Variants in EFCAB6 observed in about 807,000 individuals in gnomAD.
EFCAB6 encodes EF-hand calcium binding domain 6.
In EFCAB6, 156 loss-of-function variants were observed where a neutral mutation model predicts 169.8. That is an observed-to-expected ratio of 0.92 (90% CI 0.81 to 1.05). EFCAB6 has a LOEUF of 1.05. Among genes scored for constraint, EFCAB6 ranks in the 50% least tolerant of loss-of-function variants. The pLI is 0.00. For synonymous variants in EFCAB6, 698 were observed against 676.4 expected, an observed-to-expected ratio of 1.03 and a Z score of -0.50; for missense variants, 1,800 against 1,829.1, an observed-to-expected ratio of 0.98 and a Z score of 0.29.
At chr22:43,555,225 C>G (rs2048634583) in intron 26 of EFCAB6, 129 bp from the exon 27 acceptor site, 4 of 955,470 alleles carry the variant, frequency 4.2e-6, no homozygotes, top group Non-Finnish European at 6.2e-6. Flanking sequence ...AAGACAGCTA[C>G]AGCCTGGAGG....
At chr22:43,555,189 C>A in intron 26 of EFCAB6, 93 bp from the exon 27 acceptor site, 1 of 1,355,404 alleles carries the variant, frequency 7.4e-7, no homozygotes, top group Non-Finnish European at 1.0e-6. Flanking sequence ...GCAGGGAGAC[C>A]CAGCGTGGTG....
chr22:43,682,831 T>C (rs748763532), intron 12 of EFCAB6, among the ~76,000 whole-genome samples: 2 of 152,236 alleles, frequency 1.3e-5, no homozygotes, highest in Admixed American at 6.5e-5. Context: ...CCAAGTCACA[T>C]AGGTGTAAAG....
At chr22:43,622,955 G>T (rs1202424579) in intron 20 of EFCAB6, among the ~76,000 whole-genome samples, 1 of 152,190 alleles carries the variant, frequency 6.6e-6, no homozygotes, top group Non-Finnish European at 1.5e-5. Context: ...AATGCAGCTG[G>T]AAATTCAGAA....
intron 5 of EFCAB6, among the ~76,000 whole-genome samples, chr22:43,757,237 T>C (rs545901647): frequency 1.1e-4 from 17 of 152,314 alleles, no homozygotes; most frequent in African/African-American, 4.1e-4. Flanking sequence ...CAAAACGCTA[T>C]TTGTAAAATG....
At chr22:43,733,944 T>G (rs1450147095) in intron 7 of EFCAB6, among the ~76,000 whole-genome samples, 4 of 152,152 alleles carry the variant, frequency 2.6e-5, no homozygotes, top group Non-Finnish European at 4.4e-5. Context: ...CTTGACCTCA[T>G]GATCCGCCTG....
chr22:43,644,239 G>A (rs1363280534), intron 17 of EFCAB6, among the ~76,000 whole-genome samples: 3 of 152,102 alleles, frequency 2.0e-5, no homozygotes, highest in East Asian at 1.9e-4. Flanking sequence ...AGGAGATGAC[G>A]GGTGCACAGG....
chr22:43,638,083 G>A (rs1000087468), intron 17 of EFCAB6, among the ~76,000 whole-genome samples: 2 of 152,184 alleles, frequency 1.3e-5, no homozygotes, highest in African/African-American at 4.8e-5. Context: ...GAGCACCGGA[G>A]CACCGCAGAG....
In EFCAB6 at chr22:43,765,297, A is replaced by C. The variant is rs780109920; in HGVS notation, c.440+8T>G. On this transcript the variant is annotated splice_region_variant and intron_variant, in intron 5 of 31. Transcript: ENST00000262726. Reference sequence around the variant, plus strand: ...TCACATTTTCACATGAGCAAACCAAACACTTACCTCTTTATACCATTTATA... The same window carrying C: ...TCACATTTTCACATGAGCAAACCAACCACTTACCTCTTTATACCATTTATA... 8 of 1,607,210 alleles carry C rather than the reference A, an allele frequency of 5.0e-6. No individual in the cohort carries two copies. The highest frequency in any genetic ancestry group is 6.8e-6 in the Non-Finnish European group (8 of 1,174,528).
intron 19 of EFCAB6, among the ~76,000 whole-genome samples, chr22:43,630,181 G>T (rs1217486904): frequency 6.6e-6 from 1 of 152,084 alleles, no homozygotes; most frequent in Non-Finnish European, 1.5e-5. Context: ...TTAAAAAATT[G>T]AGACCCGTGC....
intron 6 of EFCAB6, among the ~76,000 whole-genome samples, chr22:43,739,111 T>A (rs895397276): frequency 7.9e-5 from 12 of 152,176 alleles, no homozygotes; most frequent in Non-Finnish European, 1.6e-4. Flanking sequence ...CCCCTCAAGA[T>A]TATCTCCAAT....
intron 9 of EFCAB6, 74 bp from the exon 10 acceptor site, chr22:43,711,697 T>C (rs963664382): frequency 1.7e-5 from 26 of 1,526,114 alleles, no homozygotes; most frequent in Non-Finnish European, 2.3e-5. Flanking sequence ...ATTTTATTTT[T>C]ACCAAAAACC....
chr22:43,621,675 A>C (rs2054123404), intron 20 of EFCAB6, among the ~76,000 whole-genome samples: 1 of 152,114 alleles, frequency 6.6e-6, no homozygotes, highest in South Asian at 2.1e-4. Context: ...AACAAGCAGA[A>C]AGAAGGAAAT....
At chr22:43,695,238 A>T (rs1395548853) in intron 10 of EFCAB6, among the ~76,000 whole-genome samples, 1 of 152,048 alleles carries the variant, frequency 6.6e-6, no homozygotes, top group East Asian at 1.9e-4. Context: ...AATTTTAAAA[A>T]ATTCCATGTA....
At position 43,615,870 on chromosome 22, in the gene EFCAB6, A is replaced by G; in HGVS notation, c.2518T>C (p.Tyr840His). 6.2e-7 allele frequency: 1 copy of G among 1,613,882 alleles called. No individual in the cohort carries two copies. Among genetic ancestry groups the G allele is most frequent in the Non-Finnish European group, 8.5e-7 (1 of 1,179,972 alleles). ...SELACEQAHQYLVTKAKNRWS... is the reference protein window; with the variant it reads ...SELACEQAHQHLVTKAKNRWS... The stretch of plus-strand genomic sequence containing the variant: ...CTGTTTTTTGCTTTGGTAACAAGAT[A>G]CTGATGAGCCTGCTCACAAGCTAGT... The change falls in exon 21 of 32, where the codon TAT becomes CAT. Residue 840 changes from tyrosine (Y) to histidine (H), a missense_variant. Physicochemically the swap from Tyr to His is moderately conservative, Grantham distance 83 (BLOSUM62 2). Coordinates refer to ENST00000262726, the MANE Select transcript of EFCAB6 (RefSeq NM_022785.4).
chr22:43,567,232 T>C (rs1439834482), intron 26 of EFCAB6, among the ~76,000 whole-genome samples: 2 of 152,128 alleles, frequency 1.3e-5, no homozygotes, highest in Non-Finnish European at 2.9e-5. Flanking sequence ...TGCTGAGACC[T>C]TTGCAAACAC....
chr22:43,590,950 G>A (rs559676601), intron 23 of EFCAB6, among the ~76,000 whole-genome samples: 1 of 152,094 alleles, frequency 6.6e-6, no homozygotes, highest in Admixed American at 6.5e-5. Context: ...CTGGGGCAAG[G>A]GAGTGCCAGA....
chr22:43,552,989 CA>C (rs1259492177), intron 27 of EFCAB6: 1 of 152,066 alleles, frequency 6.6e-6, no homozygotes, highest in Admixed American at 6.6e-5. Context: ...TTTTGCTTAG[CA>C]AAAATGATCA....
intron 27 of EFCAB6, among the ~76,000 whole-genome samples, chr22:43,549,676 G>C (rs1301919087): frequency 6.6e-6 from 1 of 152,158 alleles, no homozygotes; most frequent in Non-Finnish European, 1.5e-5. Context: ...AACTAAAAAT[G>C]CCATCTCCAA....
chr22:43,675,521 A>C (rs999177931), intron 13 of EFCAB6, among the ~76,000 whole-genome samples: 138 of 140,292 alleles, frequency 9.8e-4, no homozygotes, highest in Middle Eastern at 4.3e-3. Context: ...TATAGGATTT[A>C]TTAAGTAAGC....
Sources: allele counts gnomAD v4.1 joint callset (sites outside exome capture counted in the v4.1 genomes callset), GRCh38; gene constraint gnomAD v4.1.1; transcripts MANE v1.5; gene names NCBI Gene and HGNC (gene_info 2026-07-23, HGNC 2026-07-21).